The following PTPRM variants were observed in gnomAD, a reference collection of about 807,000 sequenced individuals.
PTPRM encodes protein tyrosine phosphatase receptor type M.
PTPRM carries 47 observed loss-of-function variants against 186.7 expected under a neutral mutation model. That is an observed-to-expected ratio of 0.25 (90% CI 0.20 to 0.32). PTPRM has a LOEUF of 0.32. PTPRM is among the 10% of genes least tolerant of loss of function. The probability of loss-of-function intolerance (pLI) is 1.00; values close to 1 mark genes in which losing one functional copy is unlikely to be tolerated. For missense variants in PTPRM, 1,494 were observed against 1,865.0 expected, an observed-to-expected ratio of 0.80 and a Z score of 3.66; for synonymous variants, 668 against 674.9, an observed-to-expected ratio of 0.99 and a Z score of 0.16.
chr18:8,212,013 G>T (rs1337178373), intron 14 of PTPRM, among the ~76,000 whole-genome samples: 1 of 152,124 alleles, frequency 6.6e-6, no homozygotes, highest in Non-Finnish European at 1.5e-5. Context: ...GGAATGATGG[G>T]CATGACTGGC....
chr18:8,180,093 T>G (rs1466785616), intron 14 of PTPRM, among the ~76,000 whole-genome samples: 1 of 151,870 alleles, frequency 6.6e-6, no homozygotes, highest in African/African-American at 2.4e-5. Flanking sequence ...CAAGAGGAAT[T>G]GTTCTAGGGG....
intron 22 of PTPRM, among the ~76,000 whole-genome samples, chr18:8,323,521 T>C (rs1296362327): frequency 1.3e-5 from 2 of 152,232 alleles, no homozygotes; most frequent in Non-Finnish European, 2.9e-5. Context: ...CTATAGATTG[T>C]TGAGATGCAC....
intron 7 of PTPRM, among the ~76,000 whole-genome samples, chr18:8,047,121 G>A (rs1035118179): frequency 1.3e-5 from 2 of 152,150 alleles, no homozygotes; most frequent in Non-Finnish European, 2.9e-5. Flanking sequence ...ATTAATAGCT[G>A]TAGATCCTCA....
Position 8,406,130 on chromosome 18 carries a change from G to A in PTPRM, c.4366G>A (p.Glu1456Lys), listed in dbSNP as rs1160490933. 5 of 1,614,126 alleles carry A rather than the reference G, an allele frequency of 3.1e-6. No individual in the cohort carries two copies. The highest frequency in any genetic ancestry group is 1.3e-5 in the African/African-American group (1 of 75,034). ...DLLDQYKFCY[E>K]VALEYLNSG is the part of the protein sequence containing the mutation. ...CCAGGATCAGTACAAGTTCTGCTAC[G>A]AGGTGGCCCTGGAATACTTGAATTC... The change falls in exon 33 of 33, where the codon GAG (glutamate) becomes AAG (lysine). Residue 1456 changes from glutamate (E) to lysine (K), a missense_variant. Physicochemically the swap from Glu to Lys is moderately conservative, Grantham distance 56 (BLOSUM62 1). Around this residue, in one of 3 missense-constraint regions of PTPRM, gnomAD observed 1,107 missense variants for 1,350.2 expected, o/e 0.82. Transcript: ENST00000580170.
intron 22 of PTPRM, among the ~76,000 whole-genome samples, chr18:8,336,778 G>A (rs2095442279): frequency 6.6e-6 from 1 of 151,966 alleles, no homozygotes; most frequent in Non-Finnish European, 1.5e-5. Context: ...AGGAGATCGA[G>A]ACGTTGGTGA....
At chr18:8,289,593 T>TATATATAC (rs2095016760) in intron 19 of PTPRM, among the ~76,000 whole-genome samples, 1 of 126,380 alleles carries the variant, frequency 7.9e-6, no homozygotes, top group African/African-American at 3.7e-5. Flanking sequence ...TATATACACA[T>TATATATAC]ATATATATAC....
intron 2 of PTPRM, among the ~76,000 whole-genome samples, chr18:7,781,628 A>G (rs1449446420): frequency 6.6e-6 from 1 of 151,882 alleles, no homozygotes; most frequent in East Asian, 1.9e-4. Flanking sequence ...AGCAGTCCCC[A>G]TTGTCTATCA....
At chr18:7,611,203 A>T (rs2037665204) in intron 1 of PTPRM, among the ~76,000 whole-genome samples, 1 of 152,236 alleles carries the variant, frequency 6.6e-6, no homozygotes, top group Non-Finnish European at 1.5e-5. Context: ...AAAAAAATTA[A>T]AAGTTTATAA....
chr18:8,181,186 G>T (rs533251953), intron 14 of PTPRM, among the ~76,000 whole-genome samples: 7 of 152,232 alleles, frequency 4.6e-5, no homozygotes, highest in African/African-American at 1.7e-4. Context: ...CTGGAGATTT[G>T]AAAGCTATGT....
chr18:8,331,969 G>GA (rs2095414497), intron 22 of PTPRM, among the ~76,000 whole-genome samples: 1 of 152,210 alleles, frequency 6.6e-6, no homozygotes, highest in Non-Finnish European at 1.5e-5. Flanking sequence ...ACATGTGAGT[G>GA]AAAACAGCTT....
At chr18:8,404,457 C>T (rs1390585856) in intron 32 of PTPRM, 1 of 152,216 alleles carries the variant, frequency 6.6e-6, no homozygotes, top group African/African-American at 2.4e-5. Context: ...CTTTGACTCT[C>T]AACTGTGTCA....
At chr18:7,973,269 G>C (rs796867996) in intron 7 of PTPRM, among the ~76,000 whole-genome samples, 4 of 152,038 alleles carry the variant, frequency 2.6e-5, no homozygotes, top group African/African-American at 9.7e-5. Context: ...GAATTGCAGG[G>C]CCAAAGATAT....
At chr18:8,040,964 CT>C (rs1404245502) in intron 7 of PTPRM, among the ~76,000 whole-genome samples, 1 of 152,194 alleles carries the variant, frequency 6.6e-6, no homozygotes, top group East Asian at 1.9e-4. Flanking sequence ...ACCATGCAGT[CT>C]TGTCACTTGG....
chr18:8,203,975 C>A (rs1188166820), intron 14 of PTPRM, among the ~76,000 whole-genome samples: 1 of 152,162 alleles, frequency 6.6e-6, no homozygotes, highest in East Asian at 1.9e-4. Flanking sequence ...GTACACCCAG[C>A]GACCTCCAGA....
intron 24 of PTPRM, among the ~76,000 whole-genome samples, chr18:8,373,271 A>G (rs2095674799): frequency 6.6e-6 from 1 of 152,216 alleles, no homozygotes; most frequent in Non-Finnish European, 1.5e-5. Flanking sequence ...TTCTATTTTG[A>G]GAGCATGTTG....
intron 19 of PTPRM, among the ~76,000 whole-genome samples, chr18:8,253,718 C>T (rs906493758): frequency 1.4e-4 from 22 of 152,230 alleles, no homozygotes; most frequent in African/African-American, 2.6e-4. Flanking sequence ...ATTGAATCTG[C>T]GGGTGCAGAA....
chr18:7,972,258 C>G (rs2054576769), intron 7 of PTPRM, among the ~76,000 whole-genome samples: 2 of 127,160 alleles, frequency 1.6e-5, no homozygotes, highest in African/African-American at 3.7e-5. Flanking sequence ...GGGAATTGAA[C>G]AATGAGATCA....
chr18:8,365,543 T>G lies in PTPRM; in HGVS notation c.3055-5347T>G, dbSNP rs576643295. On this transcript the variant is annotated intron_variant, in intron 23 of 32. Coordinates refer to ENST00000580170, the MANE Select transcript of PTPRM (RefSeq NM_001105244.2). ...AGATTCCTCGCAGCTATATTTGATT[T>G]GAATCCCCTTCCCCAAAACCACCTA... 6.6e-5 allele frequency among the ~76,000 whole-genome samples: 10 copies of G among 152,368 alleles called. No homozygotes were observed. In the South Asian group the frequency reaches 1.9e-3, roughly 28 times the overall value.
chr18:8,142,781 G>A (rs1418403257), intron 13 of PTPRM, among the ~76,000 whole-genome samples: 4 of 152,136 alleles, frequency 2.6e-5, no homozygotes, highest in Non-Finnish European at 2.9e-5. Context: ...AAAAGTACAA[G>A]CCCTTTTACA....
Sources: gnomAD v4.1 joint callset for allele counts (sites outside exome capture counted in the v4.1 genomes callset) on GRCh38, gnomAD v4.1.1 for gene constraint, gnomAD v4.1.1 regional missense constraint, MANE v1.5 for transcripts, NCBI Gene and HGNC (gene_info 2026-07-23, HGNC 2026-07-21) for gene names.